WDR91: variants seen among roughly 807,000 people sequenced by gnomAD.
The protein encoded by WDR91 is WD repeat domain 91.
Under a neutral mutation model 88.4 loss-of-function variants are expected in WDR91, and 52 were observed. That is an observed-to-expected ratio of 0.59 (90% CI 0.47 to 0.74). The LOEUF is 0.74. WDR91 is among the 30% of genes least tolerant of loss of function. The probability of loss-of-function intolerance (pLI) is 0.00; values close to 1 mark genes in which losing one functional copy is unlikely to be tolerated. For missense variants in WDR91, 824 were observed against 954.5 expected, an observed-to-expected ratio of 0.86 and a Z score of 1.80; for synonymous variants, 362 against 389.5, an observed-to-expected ratio of 0.93 and a Z score of 0.83.
At chr7:135,186,522 A>G (rs1291125092) in intron 14 of WDR91, among the ~76,000 whole-genome samples, 1 of 152,192 alleles carries the variant, frequency 6.6e-6, no homozygotes. Flanking sequence ...CAAGTCCCTG[A>G]GCGGCTCCTT....
rs1038853868 is a variant in WDR91 at position 135,188,662 on chromosome 7, G to A, written c.1769-117C>T. 5.2e-5 allele frequency: 46 copies of A among 892,654 alleles called. 3 individuals are homozygous for A. The highest frequency in any genetic ancestry group is 7.1e-6 in the Non-Finnish European group (4 of 560,098). The allele number at this position is 892,654 out of a possible 1,614,324, so 55.3% of individuals were successfully genotyped here. A position where few individuals can be genotyped will look rare whatever the true frequency, so the allele number is the denominator to read the frequency against. ...GGCTGACAGCTGTTCTGGAAGCCAA[G>A]GGCAGGCACCCAGGACCCAATGAGC... is the stretch of plus-strand genomic sequence containing the variant. On this transcript the variant is annotated intron_variant, in intron 12 of 14. Coordinates refer to ENST00000354475, the MANE Select transcript of WDR91 (RefSeq NM_014149.4).
chr7:135,209,408 G>A (rs924866255), intron 2 of WDR91, 168 bp downstream of exon 2: 5 of 602,990 alleles, frequency 8.3e-6, no homozygotes, highest in Admixed American at 4.0e-5. Context: ...TACAGATGAC[G>A]ACAAGGAAAA....
At position 135,185,903 on chromosome 7, in the gene WDR91, C is replaced by G; in HGVS notation, c.*248G>C. On this transcript the variant is annotated 3_prime_UTR_variant, in exon 15 of 15. Transcript: ENST00000354475. The stretch of plus-strand genomic sequence containing the variant: ...TTTCTCCTTCTTCCGGAGCTTTCCT[C>G]CCATAGTCTCACATGTACTCCTGGC... The G allele has an allele frequency of 2.1e-6, 1 of 468,046 alleles. No homozygotes were observed. The highest frequency in any genetic ancestry group is 3.7e-6 in the Non-Finnish European group (1 of 269,288). The allele number at this position is 468,046 out of a possible 1,614,324, so 29.0% of individuals were successfully genotyped here. A position where few individuals can be genotyped will look rare whatever the true frequency, so the allele number is the denominator to read the frequency against.
Position 135,208,906 on chromosome 7 carries a change from G to T in WDR91, c.396C>A (p.Pro132=), listed in dbSNP as rs748709660. The T allele has an allele frequency of 6.2e-7, 1 of 1,614,216 alleles. No homozygotes were observed. The highest frequency in any genetic ancestry group is 2.2e-5 in the East Asian group (1 of 44,884). Residue 132 remains proline (P), a synonymous_variant, in exon 3 of 15, where the codon CCC becomes CCA. Coordinates refer to ENST00000354475, the MANE Select transcript of WDR91 (RefSeq NM_014149.4). ...QAEWKDWFVL[P]FLPSPDTNPT... ...GGTTGGTGTCCGGGGATGGCAGGAA[G>T]GGCAGGACAAACCAATCCTTCCACT...
At position 135,196,392 on chromosome 7, in the gene WDR91, G is replaced by T. The variant is rs139041536; in HGVS notation, c.1051-55C>A. 5,348 of 1,456,262 alleles carry T rather than the reference G, an allele frequency of 3.7e-3. 27 individuals are homozygous for T. The highest frequency in any genetic ancestry group is 0.015 in the Middle Eastern group (59 of 3,888). The allele number at this position is 1,456,262 out of a possible 1,614,324, so 90.2% of individuals were successfully genotyped here. ...CCAGGAAAGGGTCCCCCACACCAGGGTGTACACCGCAGGGGGTCTAGGCCT... is the reference window on the plus strand; with the variant it reads ...CCAGGAAAGGGTCCCCCACACCAGGTTGTACACCGCAGGGGGTCTAGGCCT... On this transcript the variant is annotated intron_variant, in intron 7 of 14. Transcript: ENST00000354475. The surrounding 1 kb of genome is among the most constrained non-coding windows in gnomAD (Gnocchi z 4.2).
chr7:135,186,038 A>C lies in WDR91; in HGVS notation c.*113T>G. 4 of 1,252,172 alleles carry C rather than the reference A, an allele frequency of 3.2e-6. No homozygotes were observed. The highest frequency in any genetic ancestry group is 2.7e-5 in the East Asian group (1 of 36,510). The allele number at this position is 1,252,172 out of a possible 1,614,324, so 77.6% of individuals were successfully genotyped here. On this transcript the variant is annotated 3_prime_UTR_variant, in exon 15 of 15. Coordinates refer to ENST00000354475, the MANE Select transcript of WDR91 (RefSeq NM_014149.4). Reference sequence around the variant, plus strand: ...AGCCTCCTTGCCAGTCTTTCCCTGCAGAGTCACTGCACTGGCAGGGAGCTG... The same window carrying C: ...AGCCTCCTTGCCAGTCTTTCCCTGCCGAGTCACTGCACTGGCAGGGAGCTG...
intron 14 of WDR91, 48 bp from the exon 15 acceptor site, chr7:135,186,363 C>T (rs750233444): frequency 3.1e-6 from 5 of 1,589,058 alleles, no homozygotes; most frequent in South Asian, 2.3e-5. Flanking sequence ...ACACCAGTTA[C>T]ACACACTTGA....
rs1012315022 is a variant in WDR91 at position 135,196,282 on chromosome 7, A to T, written c.1106T>A (p.Leu369His). 1 of 1,607,108 alleles carries T rather than the reference A, an allele frequency of 6.2e-7. No homozygotes were observed. Among genetic ancestry groups the T allele is most frequent in the Non-Finnish European group, 8.5e-7 (1 of 1,176,666 alleles). ...SGPEAEPCPELHTEPVEPLTR... is the reference protein window; with the variant it reads ...SGPEAEPCPEHHTEPVEPLTR... ...CAGTGGCTCCACTGGCTCCGTGTGGAGCTCTGGGCAGGGCTCAGCCTCTGG... is the reference window on the plus strand; with the variant it reads ...CAGTGGCTCCACTGGCTCCGTGTGGTGCTCTGGGCAGGGCTCAGCCTCTGG... Residue 369 changes from leucine (L) to histidine (H), a missense_variant, in exon 8 of 15, where the codon CTC becomes CAC. Coordinates refer to ENST00000354475, the MANE Select transcript of WDR91 (RefSeq NM_014149.4). The surrounding 1 kb of genome is among the most constrained non-coding windows in gnomAD (Gnocchi z 4.2).
At chr7:135,206,411 GA>G (rs897252916) in intron 4 of WDR91, among the ~76,000 whole-genome samples, 1 of 18,234 alleles carries the variant, frequency 5.5e-5, no homozygotes, top group African/African-American at 8.5e-5. Flanking sequence ...CTCTGGAATG[GA>G]AAAAAAAAAA....
chr7:135,196,043 C>G lies in WDR91; in HGVS notation c.1244+101G>C, dbSNP rs2117663324. 8.1e-7 allele frequency: 1 copy of G among 1,232,772 alleles called. No individual in the cohort carries two copies. Among genetic ancestry groups the G allele is most frequent in the Admixed American group, 2.7e-5 (1 of 36,838 alleles). 76.4% of individuals were successfully genotyped at this position (1,232,772 alleles called of 1,614,324 possible). A position where few individuals can be genotyped will look rare whatever the true frequency, so the allele number is the denominator to read the frequency against. On this transcript the variant is annotated intron_variant, in intron 8 of 14. Coordinates refer to ENST00000354475, the MANE Select transcript of WDR91 (RefSeq NM_014149.4). The surrounding 1 kb of genome is among the most constrained non-coding windows in gnomAD (Gnocchi z 4.2). Reference sequence around the variant, plus strand: ...TACTGCCATGACTGTGGCCCTCGTCCAAGCCCCCATTCTCCGCCATCTCCT... The same window carrying G: ...TACTGCCATGACTGTGGCCCTCGTCGAAGCCCCCATTCTCCGCCATCTCCT...
rs1367202779 is a variant in WDR91 at position 135,186,966 on chromosome 7, A to G, written c.2079+6T>C. ...CCACTACCTCCCACCCCCAACCATCAGTTACCTTGTAGATGACGCCGCCTG... is the reference window on the plus strand; with the variant it reads ...CCACTACCTCCCACCCCCAACCATCGGTTACCTTGTAGATGACGCCGCCTG... On this transcript the variant is annotated splice_donor_region_variant and intron_variant, in intron 14 of 14. Transcript: ENST00000354475. 3 of 1,613,306 alleles carry G rather than the reference A, an allele frequency of 1.9e-6. No homozygotes were observed. In the South Asian group the frequency reaches 3.3e-5, roughly 18 times the overall value.
Position 135,197,974 on chromosome 7 carries a change from G to C in WDR91, c.1050+19C>G. 1 of 1,611,862 alleles carries C rather than the reference G, an allele frequency of 6.2e-7. No individual in the cohort carries two copies. Among genetic ancestry groups the C allele is most frequent in the South Asian group, 1.1e-5 (1 of 90,964 alleles). On this transcript the variant is annotated intron_variant, in intron 7 of 14. Transcript: ENST00000354475. ...TAGCTGCATGAGTGTCCCCAGGGGT[G>C]TTCAGGACAACCCCATACCTGGGAA...
rs1171908856 is a variant in WDR91 at position 135,184,754 on chromosome 7, GC to G, written c.*1396del. 6.6e-6 allele frequency: 1 copy of G among 152,226 alleles called. No individual in the cohort carries two copies. The highest frequency in any genetic ancestry group is 1.5e-5 in the Non-Finnish European group (1 of 68,114). The allele number at this position is 152,226 out of a possible 1,614,324, so 9.4% of individuals were successfully genotyped here. A position where few individuals can be genotyped will look rare whatever the true frequency, so the allele number is the denominator to read the frequency against. The stretch of plus-strand genomic sequence containing the variant: ...CCCTTGCTCTACCTTCTCACCATTC[GC>G]CAGCAGTGGGTGCAGGCAGCCATCA... On this transcript the variant is annotated 3_prime_UTR_variant, in exon 15 of 15. Coordinates refer to ENST00000354475, the MANE Select transcript of WDR91 (RefSeq NM_014149.4).
chr7:135,191,962 G>A (rs1407008247), intron 11 of WDR91, among the ~76,000 whole-genome samples: 1 of 152,176 alleles, frequency 6.6e-6, no homozygotes, highest in African/African-American at 2.4e-5. Flanking sequence ...TGGGCAGGGA[G>A]GGGCACGAGA....
chr7:135,211,298 C>A, intron 1 of WDR91, 82 bp downstream of exon 1: 1 of 1,511,658 alleles, frequency 6.6e-7, no homozygotes. Flanking sequence ...CCGCTCTCGC[C>A]CCGGAGGCAG....
chr7:135,197,673 G>C, intron 7 of WDR91: 1 of 215,736 alleles, frequency 4.6e-6, no homozygotes. Context: ...AGGCTGCTTA[G>C]CACAATTAAC....
chr7:135,199,561 C>T (rs1831495777), intron 6 of WDR91: 1 of 152,214 alleles, frequency 6.6e-6, no homozygotes, highest in Admixed American at 6.5e-5. Flanking sequence ...TGTTTCAAGA[C>T]AAGGCTCTGA....
At chr7:135,195,479 C>T (rs1475217055) in intron 8 of WDR91, among the ~76,000 whole-genome samples, 1 of 152,200 alleles carries the variant, frequency 6.6e-6, no homozygotes, top group African/African-American at 2.4e-5. Flanking sequence ...TTATGCCCCA[C>T]CAGGGTTTGT....
At chr7:135,208,506 C>T (rs1831890047) in intron 3 of WDR91, among the ~76,000 whole-genome samples, 2 of 152,140 alleles carry the variant, frequency 1.3e-5, no homozygotes, top group Non-Finnish European at 2.9e-5. Flanking sequence ...GCCTTCCAAC[C>T]CCAGTGCCTG....
Sources: allele counts gnomAD v4.1 joint callset (sites outside exome capture counted in the v4.1 genomes callset), GRCh38; gene constraint gnomAD v4.1.1; non-coding constraint Gnocchi (gnomAD v3.1); transcripts MANE v1.5; gene names NCBI Gene and HGNC (gene_info 2026-07-23, HGNC 2026-07-21).